TSPAN9: variants seen among roughly 807,000 people sequenced by gnomAD.
TSPAN9 encodes the protein tetraspanin-9.
TSPAN9 carries 16 observed loss-of-function variants against 31.0 expected under a neutral mutation model. That is an observed-to-expected ratio of 0.52 (90% CI 0.35 to 0.78). The LOEUF (loss-of-function observed/expected upper bound fraction) is 0.78, where lower values mean the gene tolerates loss of function less well. Among genes scored for constraint, TSPAN9 ranks in the 30% least tolerant of loss-of-function variants. TSPAN9 has a pLI of 0.01. For synonymous variants in TSPAN9, 145 were observed against 121.6 expected, an observed-to-expected ratio of 1.19 and a Z score of -1.27; for missense variants, 272 against 312.5, an observed-to-expected ratio of 0.87 and a Z score of 0.98.
At chr12:3,256,434 C>T (rs995108510) in intron 3 of TSPAN9, among the ~76,000 whole-genome samples, 8 of 152,324 alleles carry the variant, frequency 5.3e-5, no homozygotes, top group Admixed American at 2.0e-4. Context: ...ACAGGCCTGG[C>T]GCCGGGCACC....
chr12:3,254,457 C>A (rs1862308781), intron 3 of TSPAN9, among the ~76,000 whole-genome samples: 1 of 152,208 alleles, frequency 6.6e-6, no homozygotes, highest in East Asian at 1.9e-4. Flanking sequence ...GGCCTGTGGG[C>A]ACCTTCTACA....
At position 3,206,431 on chromosome 12, in the gene TSPAN9, T is replaced by C. The variant is rs557927946; in HGVS notation, c.63+5175T>C. 5.2e-4 allele frequency: 231 copies of C among 447,100 alleles called. 1 individual carries two copies. Among genetic ancestry groups the C allele is most frequent in the South Asian group, 3.5e-3 (226 of 64,164 alleles). 27.7% of individuals were successfully genotyped at this position (447,100 alleles called of 1,614,324 possible). ...TGTCAAGGGAGAGGTGAGAGCATTC[T>C]AGGGTGAGGCAGCAGCAGGCCTGCA... On this transcript the variant is annotated intron_variant, in intron 3 of 8. Transcript: ENST00000011898.
chr12:3,161,283 G>A (rs1445406958), intron 2 of TSPAN9, among the ~76,000 whole-genome samples: 1 of 152,090 alleles, frequency 6.6e-6, no homozygotes, highest in African/African-American at 2.4e-5. Context: ...CTTTTATTGT[G>A]TTTTTGGTGT....
chr12:3,149,561 C>T (rs911597511), intron 2 of TSPAN9, among the ~76,000 whole-genome samples: 1 of 152,226 alleles, frequency 6.6e-6, no homozygotes, highest in African/African-American at 2.4e-5. Flanking sequence ...TGTCTCAGTC[C>T]AACAGACAAC....
intron 2 of TSPAN9, among the ~76,000 whole-genome samples, chr12:3,198,872 C>T (rs1182743219): frequency 6.7e-6 from 1 of 148,410 alleles, no homozygotes; most frequent in Middle Eastern, 3.2e-3. Context: ...CAGGCCACCA[C>T]CAGCACAGGT....
chr12:3,181,282 G>T (rs1345075007), intron 2 of TSPAN9, among the ~76,000 whole-genome samples: 1 of 152,178 alleles, frequency 6.6e-6, no homozygotes, highest in Non-Finnish European at 1.5e-5. Context: ...ACGGAATCGG[G>T]CCCTGGACGT....
At chr12:3,268,806 G>A (rs878979835) in intron 3 of TSPAN9, among the ~76,000 whole-genome samples, 1 of 52,420 alleles carries the variant, frequency 1.9e-5, no homozygotes, top group African/African-American at 5.1e-5. Context: ...CCCTCTCTGT[G>A]TTCCTGCAAC....
intron 2 of TSPAN9, among the ~76,000 whole-genome samples, chr12:3,109,023 C>A (rs1005883428): frequency 2.6e-5 from 4 of 151,952 alleles, no homozygotes; most frequent in African/African-American, 9.7e-5. Flanking sequence ...GCAAGCTCCG[C>A]CTCTCGGGTT....
At chr12:3,165,089 G>A (rs75569371) in intron 2 of TSPAN9, among the ~76,000 whole-genome samples, 2,242 of 152,318 alleles carry the variant, frequency 0.015, 22 homozygotes, top group Non-Finnish European at 0.024. Flanking sequence ...CAGAGCTCAG[G>A]AAATGCCTCT....
chr12:3,256,302 G>A (rs370185424), intron 3 of TSPAN9, among the ~76,000 whole-genome samples: 9 of 152,330 alleles, frequency 5.9e-5, no homozygotes, highest in African/African-American at 1.9e-4. Context: ...GCCGGGCCCC[G>A]CTGAGCGCAG....
In TSPAN9 at chr12:3,172,480, C is replaced by G. The variant is rs528949512; in HGVS notation, c.-17-28697C>G. 2.0e-5 allele frequency: 3 copies of G among 152,262 alleles called. No individual in the cohort carries two copies. Among genetic ancestry groups the G allele is most frequent in the Non-Finnish European group, 2.9e-5 (2 of 68,084 alleles). 9.4% of individuals were successfully genotyped at this position (152,262 alleles called of 1,614,324 possible). On this transcript the variant is annotated intron_variant, in intron 2 of 8. Coordinates refer to ENST00000011898, the MANE Select transcript of TSPAN9 (RefSeq NM_006675.5). This position sits in a 1 kb window ranked among gnomAD's most constrained non-coding sequence, Gnocchi z 4.8. The stretch of plus-strand genomic sequence containing the variant: ...TCTTAGTCTGGCGCGAGCGGGTGCT[C>G]GTGTCACTCACCGGGGGAACTTAAA...
chr12:3,097,173 T>C (rs1306498617), intron 2 of TSPAN9, among the ~76,000 whole-genome samples: 1 of 152,204 alleles, frequency 6.6e-6, no homozygotes, highest in East Asian at 1.9e-4. Context: ...GAGCCAGGCT[T>C]TCTGGATTGT....
chr12:3,266,012 C>G (rs936926546), intron 3 of TSPAN9, among the ~76,000 whole-genome samples: 15 of 152,140 alleles, frequency 9.9e-5, no homozygotes, highest in Admixed American at 9.2e-4. Context: ...CCAGCTTTCT[C>G]CTCTGCTTGG....
At chr12:3,112,703 G>T (rs2098319748) in intron 2 of TSPAN9, among the ~76,000 whole-genome samples, 1 of 102,552 alleles carries the variant, frequency 9.8e-6, no homozygotes, top group African/African-American at 4.0e-5. Context: ...TTTGGAGACA[G>T]AGTCTCACTC....
intron 2 of TSPAN9, among the ~76,000 whole-genome samples, chr12:3,179,170 T>A (rs28661709): frequency 1.3e-5 from 2 of 152,042 alleles, no homozygotes; most frequent in African/African-American, 4.8e-5. Flanking sequence ...AACCCCACAC[T>A]CATCATCCTG....
At position 3,280,426 on chromosome 12, in the gene TSPAN9, G is replaced by A. The variant is rs1487777965; in HGVS notation, c.375G>A (p.Leu125=). Residue 125 remains leucine (L), a synonymous_variant, in exon 6 of 9, where the codon CTG becomes CTA. Coordinates refer to ENST00000011898, the MANE Select transcript of TSPAN9 (RefSeq NM_006675.5). This position sits in a 1 kb window ranked among gnomAD's most constrained non-coding sequence, Gnocchi z 4.5. ...AGGACCTGAAGGAAGGCCTGCTGCTGTACCACACCGAGAACAACGTGGGGC... is the reference window on the plus strand; with the variant it reads ...AGGACCTGAAGGAAGGCCTGCTGCTATACCACACCGAGAACAACGTGGGGC... ...AKKDLKEGLL[L]YHTENNVGLK... is the part of the protein sequence containing the mutation. 1 of 1,613,486 alleles carries A rather than the reference G, an allele frequency of 6.2e-7. No individual in the cohort carries two copies. The highest frequency in any genetic ancestry group is 1.7e-5 in the Admixed American group (1 of 60,030).
chr12:3,261,475 A>G lies in TSPAN9; in HGVS notation c.64-16946A>G, dbSNP rs774977633. ...CTGGCTCGAGCCTACGCTCTCAACC[A>G]TGGGCCCCAGGTCCAAGCTGTGACT... On this transcript the variant is annotated intron_variant, in intron 3 of 8. Coordinates refer to ENST00000011898, the MANE Select transcript of TSPAN9 (RefSeq NM_006675.5). Among the ~76,000 whole-genome samples the G allele has an allele frequency of 2.8e-4, 43 of 152,160 alleles. 1 individual carries two copies. The highest frequency in any genetic ancestry group is 5.4e-4 in the Non-Finnish European group (37 of 68,036).
At chr12:3,134,572 C>T (rs928332318) in intron 2 of TSPAN9, among the ~76,000 whole-genome samples, 9 of 152,234 alleles carry the variant, frequency 5.9e-5, no homozygotes, top group Non-Finnish European at 1.0e-4. Context: ...GGTGGAAGGT[C>T]GCTTGGGTCA....
intron 3 of TSPAN9, among the ~76,000 whole-genome samples, chr12:3,216,441 G>C (rs1484422676): frequency 1.3e-5 from 2 of 152,022 alleles, no homozygotes; most frequent in Non-Finnish European, 2.9e-5. Flanking sequence ...CTGGAGGCGG[G>C]GCTTGGGAGG....
Sources: gnomAD v4.1 joint callset for allele counts (sites outside exome capture counted in the v4.1 genomes callset) on GRCh38, gnomAD v4.1.1 for gene constraint, Gnocchi (gnomAD v3.1) non-coding constraint, MANE v1.5 for transcripts, NCBI Gene and HGNC (gene_info 2026-07-23, HGNC 2026-07-21) for gene names.